The following RIPOR3 variants were observed in gnomAD, a reference collection of about 807,000 sequenced individuals.
RIPOR3 encodes the protein family with sequence similarity 65 member C.
Under a neutral mutation model 114.3 loss-of-function variants are expected in RIPOR3, and 95 were observed. The observed-to-expected ratio is 0.83, with a 90% CI of 0.70 to 0.99. The LOEUF is 0.99. Ranked by LOEUF, RIPOR3 falls within the 50% of genes least tolerant of loss-of-function variation. The pLI is 0.00. For synonymous variants in RIPOR3, 575 were observed against 543.8 expected, an observed-to-expected ratio of 1.06 and a Z score of -0.80; for missense variants, 1,252 against 1,266.9, an observed-to-expected ratio of 0.99 and a Z score of 0.18.
chr20:50,593,006 G>C, intron 18 of RIPOR3, 29 bp downstream of exon 18: 1 of 1,612,026 alleles, frequency 6.2e-7, no homozygotes, highest in South Asian at 1.1e-5. Context: ...ATATTCCTCT[G>C]CTATGACAGC....
chr20:50,596,207 G>A lies in RIPOR3; in HGVS notation c.1847C>T (p.Thr616Ile), dbSNP rs2083282708. The change falls in exon 15 of 22, where the codon ACA becomes ATA. Residue 616 changes from threonine to isoleucine, a missense_variant. By Grantham distance (89) the Thr-to-Ile change is moderately conservative. Transcript: ENST00000327979. ...SSLKASSREL[T>I]AGAPELDVLL... The stretch of plus-strand genomic sequence containing the variant: ...CACGTCCAGCTCTGGGGCACCGGCT[G>A]TGAGTTCCCTGGATGACGCTTTCAG... The A allele has an allele frequency of 6.2e-7, 1 of 1,614,086 alleles. No individual in the cohort carries two copies. Among genetic ancestry groups the A allele is most frequent in the Admixed American group, 1.7e-5 (1 of 60,004 alleles).
chr20:50,604,007 C>T (rs1444017940), intron 12 of RIPOR3, among the ~76,000 whole-genome samples: 1 of 151,968 alleles, frequency 6.6e-6, no homozygotes, highest in Non-Finnish European at 1.5e-5. Context: ...CATGGTGAAA[C>T]CCCGTCTCTA....
At position 50,602,211 on chromosome 20, in the gene RIPOR3, C is replaced by A. The variant is rs758270641; in HGVS notation, c.1520G>T (p.Gly507Val). The A allele has an allele frequency of 6.2e-7, 1 of 1,613,714 alleles. No individual in the cohort carries two copies. The highest frequency in any genetic ancestry group is 1.7e-5 in the Admixed American group (1 of 60,002). The stretch of plus-strand genomic sequence containing the variant: ...CACGCCAGGCCCGTCCTCTCTGTCC[C>A]CGGTTGCCCCTTCCTCGTGGCCGTT... Reference protein sequence around the residue: ...SQNGHEEGATGDREDGPGVAL... With the variant: ...SQNGHEEGATVDREDGPGVAL... Residue 507 changes from glycine to valine, a missense_variant, in exon 13 of 22, where the codon GGG (glycine) becomes GTG (valine). Transcript: ENST00000327979. The surrounding 1 kb of genome is among the most constrained non-coding windows in gnomAD (Gnocchi z 4.3).
At chr20:50,680,758 C>T (rs1028577801) in intron 1 of RIPOR3, among the ~76,000 whole-genome samples, 1 of 152,222 alleles carries the variant, frequency 6.6e-6, no homozygotes, top group African/African-American at 2.4e-5. Context: ...CACCTATCTC[C>T]TGCTCCTACG....
At chr20:50,657,976 G>A (rs2085870980) in intron 1 of RIPOR3, among the ~76,000 whole-genome samples, 1 of 151,668 alleles carries the variant, frequency 6.6e-6, no homozygotes, top group South Asian at 2.1e-4. Context: ...TATTGCCCAG[G>A]CTGGTCTCAA....
In RIPOR3 at chr20:50,661,569, C is replaced by T. The variant is rs114789810; in HGVS notation, c.3+29557G>A. Among the ~76,000 whole-genome samples, 1,095 of 152,232 alleles carry T rather than the reference C, an allele frequency of 7.2e-3. 11 individuals are homozygous for T. The highest frequency in any genetic ancestry group is 0.025 in the African/African-American group (1,045 of 41,540). On this transcript the variant is annotated intron_variant, in intron 1 of 21. Coordinates refer to ENST00000327979, the MANE Select transcript of RIPOR3 (RefSeq NM_001290268.2). ...CCCTGCAAGTCCCAAGTGACAAGTT[C>T]CCCTTTCCTGGTCTGAAGCATTCTG...
intron 4 of RIPOR3, among the ~76,000 whole-genome samples, chr20:50,613,321 T>C (rs527892414): frequency 6.6e-6 from 1 of 151,950 alleles, no homozygotes; most frequent in African/African-American, 2.4e-5. Context: ...GGCATGATTG[T>C]GCGCGCCTGT....
chr20:50,689,779 C>T (rs1031445373), intron 1 of RIPOR3, among the ~76,000 whole-genome samples: 11 of 152,088 alleles, frequency 7.2e-5, no homozygotes, highest in African/African-American at 2.2e-4. Flanking sequence ...CAACTCAGGG[C>T]TGACTTGTCC....
chr20:50,595,489 T>G lies in RIPOR3; in HGVS notation c.1930A>C (p.Asn644His). Residue 644 changes from asparagine (N) to histidine (H), a missense_variant, in exon 16 of 22, where the codon AAT becomes CAT. Asn to His is a moderately conservative substitution (Grantham distance 68). Transcript: ENST00000327979. ...CATTCCTGGACCAGCCTTGATAAAT[T>G]AGGGGAGGCCAGTTTCTGGGAAGCA... ...KALLQKLASP[N>H]LSRLVQECLL... is the part of the protein sequence containing the mutation. 6.2e-7 allele frequency: 1 copy of G among 1,613,988 alleles called. No individual in the cohort carries two copies. The highest frequency in any genetic ancestry group is 1.3e-5 in the African/African-American group (1 of 75,026).
Position 50,609,374 on chromosome 20 carries a change from T to C in RIPOR3, c.577-18A>G. On this transcript the variant is annotated intron_variant, in intron 7 of 21. Transcript: ENST00000327979. ...CACATGTCCTGCAAAGCCCCGGAGG[T>C]GGCTCAGCTGGCTGCCTGGGGCTAG... 1 of 1,610,286 alleles carries C rather than the reference T, an allele frequency of 6.2e-7. No homozygotes were observed. Among genetic ancestry groups the C allele is most frequent in the Non-Finnish European group, 8.5e-7 (1 of 1,178,206 alleles).
chr20:50,597,589 T>C lies in RIPOR3; in HGVS notation c.1781A>G (p.Gln594Arg). ...AAGGAGGTGCACTCACCGGAGACCCTGGGAGCCCCCAAACAGGGACAGCTC... is the reference window on the plus strand; with the variant it reads ...AAGGAGGTGCACTCACCGGAGACCCCGGGAGCCCCCAAACAGGGACAGCTC... ...LDELSLFGGS[Q>R]GLRKDRPLPP... Residue 594 changes from glutamine (Q) to arginine (R), a missense_variant, in exon 14 of 22, where the codon CAG (glutamine) becomes CGG (arginine). Physicochemically the swap from Gln to Arg is conservative, Grantham distance 43. Coordinates refer to ENST00000327979, the MANE Select transcript of RIPOR3 (RefSeq NM_001290268.2). 6.2e-7 allele frequency: 1 copy of C among 1,606,568 alleles called. No individual in the cohort carries two copies. Among genetic ancestry groups the C allele is most frequent in the Non-Finnish European group, 8.5e-7 (1 of 1,176,608 alleles).
intron 2 of RIPOR3, chr20:50,620,873 T>C (rs2084375655): frequency 2.8e-6 from 2 of 703,918 alleles, no homozygotes; most frequent in Admixed American, 1.8e-5. Context: ...ATACACTGAG[T>C]TTGTGCGGGA....
At chr20:50,631,710 C>T (rs576883195) in intron 1 of RIPOR3, among the ~76,000 whole-genome samples, 5 of 152,332 alleles carry the variant, frequency 3.3e-5, no homozygotes, top group Non-Finnish European at 5.9e-5. Flanking sequence ...CAGTCTCCGA[C>T]CCGCCCTGCA....
chr20:50,600,275 G>A (rs2083447694), intron 13 of RIPOR3, among the ~76,000 whole-genome samples: 1 of 152,086 alleles, frequency 6.6e-6, no homozygotes, highest in African/African-American at 2.4e-5. Flanking sequence ...AAAAACCACG[G>A]TCTGTAATCA....
At chr20:50,633,841 G>A (rs192250861) in intron 1 of RIPOR3, among the ~76,000 whole-genome samples, 1 of 152,288 alleles carries the variant, frequency 6.6e-6, no homozygotes, top group East Asian at 1.9e-4. Context: ...GAACCTGACA[G>A]CGGATTCATC....
chr20:50,637,015 C>T (rs1444845107), intron 1 of RIPOR3: 3 of 731,334 alleles, frequency 4.1e-6, no homozygotes, highest in Non-Finnish European at 5.0e-6. Context: ...CCTTTGGTTT[C>T]GCATGAAAGG....
At position 50,587,838 on chromosome 20, in the gene RIPOR3, C is replaced by T. The variant is rs548944540; in HGVS notation, c.2716G>A (p.Val906Met). Residue 906 changes from valine (V) to methionine (M), a missense_variant, in exon 21 of 22, where the codon GTG (valine) becomes ATG (methionine). By Grantham distance (21) the Val-to-Met change is conservative (BLOSUM62 1). Coordinates refer to ENST00000327979, the MANE Select transcript of RIPOR3 (RefSeq NM_001290268.2). The stretch of plus-strand genomic sequence containing the variant: ...GTGGTTTCCCGGGCTGCCGCCCGCA[C>T]GGCCTCCAGGTCAGACTGGCACAGG... Reference protein sequence around the residue: ...ASLCQSDLEAVRAAARETTLS... With the variant: ...ASLCQSDLEAMRAAARETTLS... 31 of 1,614,178 alleles carry T rather than the reference C, an allele frequency of 1.9e-5. No homozygotes were observed. The East Asian group carries it at 3.3e-4, about 17-fold the overall frequency.
intron 1 of RIPOR3, among the ~76,000 whole-genome samples, chr20:50,635,888 C>A (rs1320884900): frequency 2.0e-5 from 3 of 152,206 alleles, no homozygotes; most frequent in African/African-American, 4.8e-5. Context: ...CCTCCTCCAG[C>A]GGGGAAGAGG....
chr20:50,663,650 C>T (rs776634138), intron 1 of RIPOR3, among the ~76,000 whole-genome samples: 2 of 152,118 alleles, frequency 1.3e-5, no homozygotes, highest in Non-Finnish European at 2.9e-5. Flanking sequence ...GGCAAACAAG[C>T]GGCTGGTTCT....
Sources: gnomAD v4.1 joint callset for allele counts (sites outside exome capture counted in the v4.1 genomes callset) on GRCh38, gnomAD v4.1.1 for gene constraint, Gnocchi (gnomAD v3.1) non-coding constraint, MANE v1.5 for transcripts, NCBI Gene and HGNC (gene_info 2026-07-23, HGNC 2026-07-21) for gene names.